The following MYLK variants were observed in gnomAD, a reference collection of about 807,000 sequenced individuals.
MYLK encodes myosin light chain kinase, smooth muscle.
Under a neutral mutation model 203.4 loss-of-function variants are expected in MYLK, and 106 were observed. The ratio of observed to expected loss-of-function variants is 0.52; its 90% CI spans 0.45 to 0.61. The LOEUF (loss-of-function observed/expected upper bound fraction) is 0.61. Ranked by LOEUF, MYLK falls within the 20% of genes least tolerant of loss-of-function variation. The pLI is 0.00. For missense variants in MYLK, 2,072 were observed against 2,442.3 expected (o/e 0.85, Z 3.20); for synonymous variants, 867 against 959.5 (o/e 0.90, Z 1.78).
intron 3 of MYLK, among the ~76,000 whole-genome samples, chr3:123,798,802 C>A (rs1012194000): frequency 6.6e-6 from 1 of 152,142 alleles, no homozygotes; most frequent in Admixed American, 6.5e-5. Flanking sequence ...CAGCCCATCG[C>A]CCCACCCACT....
chr3:123,814,635 A>G (rs2065680288), intron 3 of MYLK, among the ~76,000 whole-genome samples: 1 of 152,182 alleles, frequency 6.6e-6, no homozygotes, highest in African/African-American at 2.4e-5. Context: ...TTCCTCAGAT[A>G]TGGAACACTC....
At chr3:123,661,424 G>C (rs42765) in intron 23 of MYLK, among the ~76,000 whole-genome samples, 104,339 of 152,076 alleles carry the variant, frequency 0.69, 42,349 homozygotes, top group Non-Finnish European at 0.92. Flanking sequence ...TGGATCACTA[G>C]CACCAAGCCT....
rs746722317 is a variant in MYLK, at chr3:123,666,187, A to AC, written c.3831+31dup. On this transcript the variant is annotated intron_variant, in intron 22 of 33. Transcript: ENST00000360304. Reference sequence around the variant, plus strand: ...AAAGGCTGTACGGATTATTCCCAGCACCCCCAGTGCCCACCCCATACCGTC... The same window carrying AC: ...AAAGGCTGTACGGATTATTCCCAGCACCCCCCAGTGCCCACCCCATACCGTC... 5 of 1,614,030 alleles carry AC rather than the reference A, an allele frequency of 3.1e-6. No individual in the cohort carries two copies. In the South Asian group the frequency reaches 5.5e-5, roughly 18 times the overall value.
intron 2 of MYLK, among the ~76,000 whole-genome samples, chr3:123,869,207 G>A (rs2032563084): frequency 6.6e-6 from 1 of 152,090 alleles, no homozygotes; most frequent in Non-Finnish European, 1.5e-5. Flanking sequence ...TTGTCAAGAG[G>A]AAAGCAGAAA....
intron 3 of MYLK, among the ~76,000 whole-genome samples, chr3:123,818,841 C>T (rs565483761): frequency 1.3e-5 from 2 of 152,332 alleles, no homozygotes; most frequent in Admixed American, 6.5e-5. Context: ...TCATGGAGAG[C>T]TCTTAGAACT....
In MYLK at chr3:123,677,884, AATATATATATATATATATATAT is replaced by A. The variant is rs3085284; in HGVS notation, c.3652+4318_3652+4339del. ...CTCTATCTAAATGAATAAATAAATG[AATATATATATATATATATATAT>A]ATATATATATATACACACACACACA... is the stretch of plus-strand genomic sequence containing the variant. On this transcript the variant is annotated intron_variant, in intron 20 of 33. Transcript: ENST00000360304. 1.3e-3 allele frequency among the ~76,000 whole-genome samples: 68 copies of A among 53,580 alleles called. 1 individual carries two copies. The highest frequency in any genetic ancestry group is 4.4e-3 in the South Asian group (5 of 1,124). 35.2% of individuals were successfully genotyped at this position (53,580 alleles called of 152,430 possible). A position where few individuals can be genotyped will look rare whatever the true frequency, so the allele number is the denominator to read the frequency against.
intron 3 of MYLK, among the ~76,000 whole-genome samples, chr3:123,795,998 G>A (rs1424077140): frequency 6.6e-6 from 1 of 152,152 alleles, no homozygotes; most frequent in Admixed American, 6.5e-5. Flanking sequence ...AGGCTCATTT[G>A]TAATAGGGCA....
At chr3:123,806,215 T>C (rs1560241421) in intron 3 of MYLK, among the ~76,000 whole-genome samples, 1 of 152,244 alleles carries the variant, frequency 6.6e-6, no homozygotes, top group Non-Finnish European at 1.5e-5. Context: ...ATGGCTGGAT[T>C]GCAGAATGTC....
chr3:123,769,664 C>G (rs78567203), intron 4 of MYLK, among the ~76,000 whole-genome samples: 1 of 152,172 alleles, frequency 6.6e-6, no homozygotes, highest in Non-Finnish European at 1.5e-5. Flanking sequence ...GGCCTCATCA[C>G]GGCTTATAAT....
chr3:123,634,407 G>A (rs892485873), intron 29 of MYLK, among the ~76,000 whole-genome samples: 2 of 152,168 alleles, frequency 1.3e-5, no homozygotes, highest in African/African-American at 4.8e-5. Flanking sequence ...CCGATGCCCC[G>A]GCACTGTGAC....
chr3:123,633,250 C>G (rs981952225), intron 29 of MYLK, among the ~76,000 whole-genome samples: 1 of 152,006 alleles, frequency 6.6e-6, no homozygotes, highest in African/African-American at 2.4e-5. Flanking sequence ...CCTAAGCCAC[C>G]CAAGTAGCAG....
intron 3 of MYLK, among the ~76,000 whole-genome samples, chr3:123,795,238 T>G (rs1311506644): frequency 2.0e-5 from 3 of 152,204 alleles, no homozygotes; most frequent in Non-Finnish European, 4.4e-5. Context: ...GGGGGAAAAG[T>G]TGCTTTTAAG....
At chr3:123,632,834 T>C (rs2108040632) in intron 29 of MYLK, among the ~76,000 whole-genome samples, 1 of 148,894 alleles carries the variant, frequency 6.7e-6, no homozygotes, top group African/African-American at 2.6e-5. Flanking sequence ...AGATGCGGTC[T>C]TGTTCTATTG....
chr3:123,654,224 C>T (rs951953013), intron 24 of MYLK, among the ~76,000 whole-genome samples: 5 of 152,218 alleles, frequency 3.3e-5, no homozygotes, highest in Non-Finnish European at 5.9e-5. Flanking sequence ...TGACACACAG[C>T]TGCTAGCATA....
intron 5 of MYLK, among the ~76,000 whole-genome samples, chr3:123,745,847 T>G (rs1441863149): frequency 6.6e-6 from 1 of 152,024 alleles, no homozygotes; most frequent in Admixed American, 6.6e-5. Context: ...TATAATTTAT[T>G]TATTTATTTT....
At chr3:123,808,461 T>C (rs2109213528) in intron 3 of MYLK, among the ~76,000 whole-genome samples, 1 of 152,316 alleles carries the variant, frequency 6.6e-6, no homozygotes, top group South Asian at 2.1e-4. Flanking sequence ...AGCATTTTTA[T>C]ATTACAACCA....
At chr3:123,810,077 C>T (rs2065504135) in intron 3 of MYLK, among the ~76,000 whole-genome samples, 1 of 152,150 alleles carries the variant, frequency 6.6e-6, no homozygotes, top group African/African-American at 2.4e-5. Flanking sequence ...GAACTAGGGC[C>T]TAAGGCTCAG....
intron 2 of MYLK, among the ~76,000 whole-genome samples, chr3:123,848,558 C>A (rs1178730124): frequency 2.0e-5 from 3 of 152,094 alleles, no homozygotes; most frequent in Non-Finnish European, 4.4e-5. Context: ...CTAGGAACTG[C>A]CAAATGACAC....
chr3:123,766,093 C>T (rs1432786945), intron 4 of MYLK, among the ~76,000 whole-genome samples: 1 of 152,150 alleles, frequency 6.6e-6, no homozygotes, highest in Non-Finnish European at 1.5e-5. Flanking sequence ...GTATTTACCA[C>T]AATAAAAAAG....
Sources: allele counts gnomAD v4.1 joint callset (sites outside exome capture counted in the v4.1 genomes callset), GRCh38; gene constraint gnomAD v4.1.1; transcripts MANE v1.5; gene names NCBI Gene and HGNC (gene_info 2026-07-23, HGNC 2026-07-21).